Variants in VPS50 observed in about 807,000 individuals in gnomAD.
The protein encoded by VPS50 is syndetin.
Under a neutral mutation model 139.7 loss-of-function variants are expected in VPS50, and 70 were observed. The ratio of observed to expected loss-of-function variants is 0.50; its 90% CI spans 0.41 to 0.61. The LOEUF is 0.61. Among genes scored for constraint, VPS50 ranks in the 20% least tolerant of loss-of-function variants. VPS50 has a pLI of 0.00. For missense variants in VPS50, 921 were observed against 1,133.7 expected, an observed-to-expected ratio of 0.81 and a Z score of 2.69; for synonymous variants, 365 against 376.7, an observed-to-expected ratio of 0.97 and a Z score of 0.36.
At chr7:93,288,509 C>T (rs548393785) in intron 12 of VPS50, among the ~76,000 whole-genome samples, 2 of 152,162 alleles carry the variant, frequency 1.3e-5, no homozygotes, top group Admixed American at 1.3e-4. Flanking sequence ...AGTAGAATTG[C>T]TAGGTTGAAG....
intron 23 of VPS50, among the ~76,000 whole-genome samples, chr7:93,342,656 G>C (rs1487207912): frequency 6.6e-6 from 1 of 152,196 alleles, no homozygotes; most frequent in Non-Finnish European, 1.5e-5. Flanking sequence ...GCCTCAAGTG[G>C]GTCCCTGACC....
At chr7:93,239,201 T>C (rs1794906950) in intron 1 of VPS50, among the ~76,000 whole-genome samples, 1 of 152,188 alleles carries the variant, frequency 6.6e-6, no homozygotes, top group South Asian at 2.1e-4. Context: ...TAGCCTATTT[T>C]TAAAAAGAGG....
At chr7:93,280,380 A>C (rs886981356) in intron 12 of VPS50, among the ~76,000 whole-genome samples, 6 of 152,178 alleles carry the variant, frequency 3.9e-5, no homozygotes, top group Non-Finnish European at 8.8e-5. Context: ...ATAAATCGCT[A>C]AAACTTAGCA....
chr7:93,352,509 G>T (rs1048362567), intron 25 of VPS50, among the ~76,000 whole-genome samples: 1 of 152,128 alleles, frequency 6.6e-6, no homozygotes, highest in Non-Finnish European at 1.5e-5. Flanking sequence ...TTTCTCCTGT[G>T]TATTATTAGA....
At chr7:93,240,043 T>G in intron 2 of VPS50, 109 bp downstream of exon 2, 1 of 704,042 alleles carries the variant, frequency 1.4e-6, no homozygotes, top group Non-Finnish European at 2.5e-6. Flanking sequence ...GGCAGATGGT[T>G]GTTAAGATAA....
In VPS50 at chr7:93,359,412, C is replaced by T. The variant is rs897705843; in HGVS notation, c.*976C>T. ...AAATGTAAAATAGTATCAGTCTAGC[C>T]AATGATGAACTCTGGAATCCACTTA... On this transcript the variant is annotated 3_prime_UTR_variant, in exon 28 of 28. Coordinates refer to ENST00000305866, the MANE Select transcript of VPS50 (RefSeq NM_017667.4). 3 of 152,072 alleles carry T rather than the reference C, an allele frequency of 2.0e-5. No homozygotes were observed. The highest frequency in any genetic ancestry group is 4.8e-5 in the African/African-American group (2 of 41,428). The allele number at this position is 152,072 out of a possible 1,614,324, so 9.4% of individuals were successfully genotyped here. A position where few individuals can be genotyped will look rare whatever the true frequency, so the allele number is the denominator to read the frequency against.
At chr7:93,272,297 A>G (rs1028541636) in intron 10 of VPS50, among the ~76,000 whole-genome samples, 1 of 151,836 alleles carries the variant, frequency 6.6e-6, no homozygotes. Flanking sequence ...TTCAGTTTAT[A>G]TAAGATTTTA....
chr7:93,286,637 A>G (rs1318551637), intron 12 of VPS50, among the ~76,000 whole-genome samples: 1 of 152,054 alleles, frequency 6.6e-6, no homozygotes, highest in African/African-American at 2.4e-5. Flanking sequence ...TGGGTGGAAC[A>G]CTCAGGTTCC....
chr7:93,347,276 A>T (rs1275260873), intron 23 of VPS50, among the ~76,000 whole-genome samples: 2 of 138,586 alleles, frequency 1.4e-5, no homozygotes, highest in African/African-American at 5.3e-5. Context: ...CCACAATGAG[A>T]TACCATCTCA....
At chr7:93,324,513 G>T (rs1797711175) in intron 21 of VPS50, among the ~76,000 whole-genome samples, 1 of 152,152 alleles carries the variant, frequency 6.6e-6, no homozygotes, top group African/African-American at 2.4e-5. Context: ...GTTGAATTTT[G>T]TCAAAGGCCT....
chr7:93,310,792 C>G (rs1319664831), intron 19 of VPS50, among the ~76,000 whole-genome samples: 1 of 151,904 alleles, frequency 6.6e-6, no homozygotes, highest in African/African-American at 2.4e-5. Flanking sequence ...CCAAATACTG[C>G]CATCAATATT....
intron 13 of VPS50, among the ~76,000 whole-genome samples, chr7:93,292,247 T>C (rs1796669620): frequency 6.6e-6 from 1 of 152,104 alleles, no homozygotes; most frequent in Admixed American, 6.6e-5. Flanking sequence ...TTCTAAGAAT[T>C]AATTATATTG....
intron 20 of VPS50, among the ~76,000 whole-genome samples, chr7:93,322,923 C>G (rs1340189208): frequency 6.6e-6 from 1 of 152,018 alleles, no homozygotes; most frequent in Non-Finnish European, 1.5e-5. Flanking sequence ...GTGAGTATAT[C>G]TGATTATATA....
At chr7:93,326,074 C>T (rs1797760905) in intron 21 of VPS50, among the ~76,000 whole-genome samples, 2 of 151,632 alleles carry the variant, frequency 1.3e-5, no homozygotes, top group African/African-American at 2.4e-5. Context: ...TAGACTGGAT[C>T]AAGAAAATGT....
intron 24 of VPS50, among the ~76,000 whole-genome samples, chr7:93,349,237 C>G (rs1798490158): frequency 6.6e-6 from 1 of 151,994 alleles, no homozygotes; most frequent in African/African-American, 2.4e-5. Context: ...TGTCTGAAGA[C>G]CTGCAGGTGA....
At chr7:93,307,234 A>G (rs1440056826) in intron 18 of VPS50, among the ~76,000 whole-genome samples, 1 of 151,892 alleles carries the variant, frequency 6.6e-6, no homozygotes, top group East Asian at 1.9e-4. Flanking sequence ...ATCTGAATTC[A>G]TAGCCAACAA....
intron 1 of VPS50, among the ~76,000 whole-genome samples, chr7:93,236,392 C>G (rs1430119199): frequency 6.6e-6 from 1 of 152,150 alleles, no homozygotes; most frequent in Non-Finnish European, 1.5e-5. Context: ...AAACACAAAT[C>G]ATCACAGATG....
In VPS50 at chr7:93,348,721, G is replaced by T. The variant is rs1584495317; in HGVS notation, c.2218G>T (p.Ala740Ser). ...VVATESLVFLAEQFEFLQPHL... is the reference protein window; with the variant it reads ...VVATESLVFLSEQFEFLQPHL... ...ATTTATTCCCTTTAGGGTATTCTTG[G>T]CTGAACAGTTTGAGTTCCTTCAGCC... is the stretch of plus-strand genomic sequence containing the variant. Residue 740 changes from alanine (A) to serine (S), a missense_variant, in exon 24 of 28, where the codon GCT becomes TCT. Coordinates refer to ENST00000305866, the MANE Select transcript of VPS50 (RefSeq NM_017667.4). 6.2e-7 allele frequency: 1 copy of T among 1,611,308 alleles called. No individual in the cohort carries two copies. Among genetic ancestry groups the T allele is most frequent in the South Asian group, 1.1e-5 (1 of 91,000 alleles).
At chr7:93,272,813 T>A in intron 11 of VPS50, 80 bp downstream of exon 11, 3 of 651,556 alleles carry the variant, frequency 4.6e-6, no homozygotes, top group South Asian at 3.8e-5. Context: ...ATATTATTAA[T>A]CTCATGTCCT....
Sources: allele counts gnomAD v4.1 joint callset (sites outside exome capture counted in the v4.1 genomes callset), GRCh38; gene constraint gnomAD v4.1.1; transcripts MANE v1.5; gene names NCBI Gene and HGNC (gene_info 2026-07-23, HGNC 2026-07-21).